PTPRD: variants seen among roughly 807,000 people sequenced by gnomAD.
PTPRD encodes the protein receptor-type tyrosine-protein phosphatase delta.
In PTPRD, 34 loss-of-function variants were observed where a neutral mutation model predicts 214.5. The observed-to-expected ratio is 0.16, with a 90% CI of 0.12 to 0.21. PTPRD has a LOEUF of 0.21. PTPRD is among the 10% of genes least tolerant of loss of function. The probability of loss-of-function intolerance (pLI) is 1.00; values close to 1 mark genes in which losing one functional copy is unlikely to be tolerated. For missense variants in PTPRD, 2,545 were observed against 2,398.7 expected, an observed-to-expected ratio of 1.06 and a Z score of -1.27; for synonymous variants, 1,128 against 845.7, an observed-to-expected ratio of 1.33 and a Z score of -5.79.
intron 9 of PTPRD, among the ~76,000 whole-genome samples, chr9:9,384,267 T>G (rs568551922): frequency 1.3e-5 from 2 of 150,004 alleles, no homozygotes; most frequent in African/African-American, 2.4e-5. Context: ...TGTTGTGTAT[T>G]GTAAAATTTT....
At chr9:8,499,955 T>C (rs2097357448) in intron 24 of PTPRD, 115 bp from the exon 25 acceptor site, 16 of 766,238 alleles carry the variant, frequency 2.1e-5, no homozygotes, top group Admixed American at 3.6e-5. Flanking sequence ...AAACCCACTA[T>C]GTTTTCTTTG....
Position 9,340,248 on chromosome 9 carries a change from A to T in PTPRD, c.-203+57201T>A, listed in dbSNP as rs149746476. ...TGCCTCCCGTTTAAGACAGAAAAAC[A>T]GATGTTGCATCAGAAAGTCCATGAT... On this transcript the variant is annotated intron_variant, in intron 9 of 45. Coordinates refer to ENST00000381196, the MANE Select transcript of PTPRD (RefSeq NM_002839.4). 2.0e-5 allele frequency among the ~76,000 whole-genome samples: 3 copies of T among 152,304 alleles called. No individual in the cohort carries two copies. The East Asian group carries it at 5.8e-4, about 29-fold the overall frequency.
At chr9:8,693,495 T>C (rs574371984) in intron 12 of PTPRD, among the ~76,000 whole-genome samples, 2 of 152,310 alleles carry the variant, frequency 1.3e-5, no homozygotes, top group African/African-American at 2.4e-5. Context: ...TGTTTTTTCA[T>C]TTCCCTAAAG....
intron 2 of PTPRD, among the ~76,000 whole-genome samples, chr9:10,459,603 T>A (rs1256614333): frequency 6.6e-6 from 1 of 152,144 alleles, no homozygotes; most frequent in Non-Finnish European, 1.5e-5. Flanking sequence ...CTAACTAACA[T>A]GAGATGGTAT....
At chr9:9,737,090 T>C (rs1057260107) in intron 6 of PTPRD, among the ~76,000 whole-genome samples, 45 of 152,118 alleles carry the variant, frequency 3.0e-4, no homozygotes, top group Non-Finnish European at 2.9e-4. Context: ...ATTTACATTT[T>C]GAGTTGGGGT....
intron 2 of PTPRD, among the ~76,000 whole-genome samples, chr9:10,406,844 C>T (rs1022408733): frequency 2.0e-5 from 3 of 151,588 alleles, no homozygotes; most frequent in Non-Finnish European, 4.4e-5. Flanking sequence ...GAGTCCATTT[C>T]AATCTCACGA....
chr9:8,672,462 C>T (rs934903152), intron 12 of PTPRD, among the ~76,000 whole-genome samples: 2 of 152,036 alleles, frequency 1.3e-5, no homozygotes, highest in Non-Finnish European at 2.9e-5. Context: ...ATCTTTCGTG[C>T]TTTATTAGGG....
chr9:10,361,067 A>G (rs920585900), intron 2 of PTPRD, among the ~76,000 whole-genome samples: 1 of 152,132 alleles, frequency 6.6e-6, no homozygotes, highest in Non-Finnish European at 1.5e-5. Flanking sequence ...GAGCCACTGC[A>G]CTCCAGCCTG....
At chr9:9,287,568 G>GT (rs899109717) in intron 9 of PTPRD, among the ~76,000 whole-genome samples, 2 of 151,806 alleles carry the variant, frequency 1.3e-5, no homozygotes, top group Admixed American at 6.6e-5. Context: ...GGCCTTGAGA[G>GT]TTTTCTCATT....
chr9:8,915,487 G>A (rs2098778796), intron 11 of PTPRD, among the ~76,000 whole-genome samples: 1 of 152,278 alleles, frequency 6.6e-6, no homozygotes, highest in East Asian at 1.9e-4. Flanking sequence ...TGATATGTGT[G>A]TGTGTGTGCA....
At chr9:8,763,238 A>G (rs1238390898) in intron 11 of PTPRD, among the ~76,000 whole-genome samples, 2 of 152,166 alleles carry the variant, frequency 1.3e-5, no homozygotes, top group Non-Finnish European at 2.9e-5. Flanking sequence ...TAGGCCAGGG[A>G]TAGTGGCTCA....
intron 2 of PTPRD, among the ~76,000 whole-genome samples, chr9:10,573,452 A>AT (rs887229187): frequency 6.6e-6 from 1 of 152,194 alleles, no homozygotes; most frequent in Admixed American, 6.5e-5. Flanking sequence ...AGGTCCAGTC[A>AT]TTTTGTTAGG....
chr9:8,494,039 C>CACACAG (rs1554636978), intron 26 of PTPRD, among the ~76,000 whole-genome samples: 6 of 150,276 alleles, frequency 4.0e-5, no homozygotes, highest in East Asian at 2.0e-4. Context: ...CACACACACA[C>CACACAG]AGCAATATAA....
intron 10 of PTPRD, among the ~76,000 whole-genome samples, chr9:9,172,017 T>G (rs2099921771): frequency 6.6e-6 from 1 of 152,060 alleles, no homozygotes; most frequent in Non-Finnish European, 1.5e-5. Flanking sequence ...ATCTGTTGAG[T>G]AGTTAGTAAT....
intron 11 of PTPRD, among the ~76,000 whole-genome samples, chr9:8,949,438 C>T (rs1349732293): frequency 6.6e-6 from 1 of 151,860 alleles, no homozygotes; most frequent in Non-Finnish European, 1.5e-5. Context: ...TGCATGAAAA[C>T]CCTTAGTAGG....
At chr9:8,721,966 T>G (rs1191854568) in intron 12 of PTPRD, among the ~76,000 whole-genome samples, 1 of 152,262 alleles carries the variant, frequency 6.6e-6, no homozygotes, top group Non-Finnish European at 1.5e-5. Context: ...TGGGTGATTT[T>G]GCCCCCCTCA....
chr9:9,533,087 A>C (rs2075830345), intron 8 of PTPRD, among the ~76,000 whole-genome samples: 2 of 152,124 alleles, frequency 1.3e-5, no homozygotes, highest in Non-Finnish European at 2.9e-5. Flanking sequence ...TGAGCAGCTT[A>C]TAGCATTTTG....
intron 3 of PTPRD, among the ~76,000 whole-genome samples, chr9:10,143,766 A>C (rs1361927442): frequency 6.6e-6 from 1 of 152,142 alleles, no homozygotes; most frequent in Non-Finnish European, 1.5e-5. Flanking sequence ...ACATGGATGC[A>C]ACTGGAGGCC....
At chr9:10,588,696 T>C (rs1029792693) in intron 2 of PTPRD, among the ~76,000 whole-genome samples, 2 of 151,978 alleles carry the variant, frequency 1.3e-5, no homozygotes, top group African/African-American at 4.8e-5. Context: ...GAAATTATCA[T>C]CTTTGATATT....
Sources: allele counts gnomAD v4.1 joint callset (sites outside exome capture counted in the v4.1 genomes callset), GRCh38; gene constraint gnomAD v4.1.1; transcripts MANE v1.5; gene names NCBI Gene and HGNC (gene_info 2026-07-23, HGNC 2026-07-21).